Variants in HECW1 observed in about 807,000 individuals in gnomAD.
The protein encoded by HECW1 is E3 ubiquitin-protein ligase HECW1.
A neutral mutation model predicts 182.3 loss-of-function variants in HECW1; 61 were observed. The observed-to-expected ratio is 0.33, with a 90% CI of 0.27 to 0.41. The LOEUF (loss-of-function observed/expected upper bound fraction) is 0.41. Among genes scored for constraint, HECW1 ranks in the 10% least tolerant of loss-of-function variants. The pLI, the probability that HECW1 is intolerant of heterozygous loss-of-function variation, is 1.00. For missense variants in HECW1, 1,739 were observed against 2,108.9 expected (o/e 0.82, Z 3.44); for synonymous variants, 859 against 832.6 (o/e 1.03, Z -0.55).
chr7:43,311,486 C>A, intron 3 of HECW1: 1 of 632,460 alleles, frequency 1.6e-6, no homozygotes, highest in Non-Finnish European at 3.0e-6. Flanking sequence ...CTTCTGGTAT[C>A]AAGTGGGTTA....
At chr7:43,502,455 G>A (rs998783472) in intron 21 of HECW1, among the ~76,000 whole-genome samples, 5 of 152,092 alleles carry the variant, frequency 3.3e-5, no homozygotes, top group African/African-American at 7.2e-5. Flanking sequence ...CCAAGAGTTC[G>A]AGACCAGCCT....
intron 2 of HECW1, among the ~76,000 whole-genome samples, chr7:43,185,403 C>T (rs146428634): frequency 8.2e-4 from 117 of 143,428 alleles, no homozygotes; most frequent in African/African-American, 2.9e-3. Flanking sequence ...GGTAAATAGT[C>T]GGAACTGTCT....
intron 26 of HECW1, among the ~76,000 whole-genome samples, chr7:43,543,635 T>G (rs1396907072): frequency 2.6e-5 from 4 of 151,548 alleles, no homozygotes; most frequent in Admixed American, 2.6e-4. Context: ...AAAAATTAGC[T>G]GGGGATGATG....
chr7:43,354,657 GA>G (rs2152808205), intron 5 of HECW1, among the ~76,000 whole-genome samples: 1 of 152,194 alleles, frequency 6.6e-6, no homozygotes, highest in African/African-American at 2.4e-5. Context: ...TCACCTACAA[GA>G]CATAGAAAAT....
intron 24 of HECW1, among the ~76,000 whole-genome samples, chr7:43,513,981 TAAC>T (rs534130660): frequency 1.5e-3 from 229 of 152,124 alleles, no homozygotes; most frequent in Middle Eastern, 3.4e-3. Context: ...AGCAGGGAAA[TAAC>T]ACTCTCAATC....
intron 26 of HECW1, among the ~76,000 whole-genome samples, chr7:43,546,880 T>A (rs1419671545): frequency 6.6e-6 from 1 of 152,198 alleles, no homozygotes; most frequent in Non-Finnish European, 1.5e-5. Flanking sequence ...TAAATCCTGG[T>A]GCTCACTTAT....
At chr7:43,513,434 C>G (rs1466829419) in intron 24 of HECW1, among the ~76,000 whole-genome samples, 2 of 152,216 alleles carry the variant, frequency 1.3e-5, no homozygotes, top group African/African-American at 4.8e-5. Context: ...GACAGTGTGT[C>G]CTTCCTCTGA....
At chr7:43,377,769 G>C (rs1300373521) in intron 6 of HECW1, 1 of 205,990 alleles carries the variant, frequency 4.9e-6, no homozygotes, top group African/African-American at 2.3e-5. Flanking sequence ...TCTGCCAATG[G>C]GAAGTCGGAA....
chr7:43,284,855 G>T (rs761861666), intron 3 of HECW1, among the ~76,000 whole-genome samples: 8 of 152,112 alleles, frequency 5.3e-5, no homozygotes, highest in African/African-American at 9.7e-5. Flanking sequence ...AATTGTGGAG[G>T]AAAAAGGTTA....
intron 2 of HECW1, among the ~76,000 whole-genome samples, chr7:43,193,362 T>TATCTTCC (rs1330607230): frequency 1.3e-5 from 2 of 152,130 alleles, no homozygotes; most frequent in Non-Finnish European, 2.9e-5. Flanking sequence ...ATATGTATTA[T>TATCTTCC]ATCTTCCTAT....
At chr7:43,138,574 C>T (rs1787818215) in intron 2 of HECW1, among the ~76,000 whole-genome samples, 1 of 152,254 alleles carries the variant, frequency 6.6e-6, no homozygotes, top group Non-Finnish European at 1.5e-5. Context: ...CTTGTCTGCA[C>T]AGTCTATTTA....
chr7:43,385,943 C>T (rs964569895), intron 6 of HECW1, among the ~76,000 whole-genome samples: 3 of 152,194 alleles, frequency 2.0e-5, no homozygotes, highest in Non-Finnish European at 4.4e-5. Flanking sequence ...GCTGAGTTCT[C>T]ATCTGGAAGT....
At chr7:43,333,674 G>C (rs17172197) in intron 5 of HECW1, among the ~76,000 whole-genome samples, 36,362 of 152,068 alleles carry the variant, frequency 0.24, 5,002 homozygotes, top group African/African-American at 0.39. Flanking sequence ...GACTTATGCT[G>C]AAGGACAGCA....
intron 22 of HECW1, 47 bp downstream of exon 22, chr7:43,507,304 A>G: frequency 6.3e-7 from 1 of 1,591,256 alleles, no homozygotes; most frequent in East Asian, 2.3e-5. Context: ...TAGATTTTTC[A>G]ATCCCTTTCT....
intron 2 of HECW1, among the ~76,000 whole-genome samples, chr7:43,194,232 A>T (rs1276243361): frequency 6.6e-6 from 1 of 152,020 alleles, no homozygotes; most frequent in African/African-American, 2.4e-5. Flanking sequence ...GTGGCTTGGA[A>T]TTCTATTTTT....
intron 13 of HECW1, among the ~76,000 whole-genome samples, chr7:43,463,106 A>C (rs1011707346): frequency 3.9e-5 from 6 of 152,258 alleles, no homozygotes; most frequent in Non-Finnish European, 7.3e-5. Context: ...CTGGCAGGCC[A>C]AATGACTAAA....
intron 3 of HECW1, among the ~76,000 whole-genome samples, chr7:43,304,642 T>C (rs7785719): frequency 0.53 from 80,301 of 151,778 alleles, 24,294 homozygotes; most frequent in African/African-American, 0.85. Flanking sequence ...CAGACACGTG[T>C]CACCACACAT....
rs151193619 is a variant in HECW1 at position 43,499,126 on chromosome 7, C to A, written c.3438-1573C>A. Among the ~76,000 whole-genome samples the A allele has an allele frequency of 2.9e-3, 441 of 151,874 alleles. 2 individuals are homozygous for A. The highest frequency in any genetic ancestry group is 0.01 in the African/African-American group (419 of 41,410). On this transcript the variant is annotated intron_variant, in intron 19 of 29. Transcript: ENST00000395891. ...TGAAACCCTGTCTCTACTAAAAATA[C>A]AAAAATTAGCCAAGCCTGGTGGTGT...
At chr7:43,400,128 C>A (rs1232144287) in intron 7 of HECW1, among the ~76,000 whole-genome samples, 3 of 152,198 alleles carry the variant, frequency 2.0e-5, no homozygotes, top group Non-Finnish European at 2.9e-5. Context: ...CCCAGCTACT[C>A]AGGAAGCTGG....
Sources: allele counts gnomAD v4.1 joint callset (sites outside exome capture counted in the v4.1 genomes callset), GRCh38; gene constraint gnomAD v4.1.1; transcripts MANE v1.5; gene names NCBI Gene and HGNC (gene_info 2026-07-23, HGNC 2026-07-21).